The following CBFA2T3 variants were observed in gnomAD, a reference collection of about 807,000 sequenced individuals.
The protein encoded by CBFA2T3 is transcriptional corepressor CBFA2T3.
Under a neutral mutation model 58.6 loss-of-function variants are expected in CBFA2T3, and 31 were observed. That is an observed-to-expected ratio of 0.53 (90% CI 0.40 to 0.71). The LOEUF (loss-of-function observed/expected upper bound fraction) is 0.71, where lower values mean the gene tolerates loss of function less well. Among genes scored for constraint, CBFA2T3 ranks in the 30% least tolerant of loss-of-function variants. CBFA2T3 has a pLI of 0.00. For missense variants in CBFA2T3, 1,076 were observed against 963.1 expected, an observed-to-expected ratio of 1.12 and a Z score of -1.55; for synonymous variants, 531 against 421.9, an observed-to-expected ratio of 1.26 and a Z score of -3.17.
intron 1 of CBFA2T3, among the ~76,000 whole-genome samples, chr16:88,961,436 G>A (rs1972352912): frequency 6.9e-6 from 1 of 144,256 alleles, no homozygotes; most frequent in Non-Finnish European, 1.5e-5. Flanking sequence ...CCTCAGCGCT[G>A]GACATTCCCA....
chr16:88,895,053 G>A (rs1406843290), intron 3 of CBFA2T3, among the ~76,000 whole-genome samples: 1 of 152,186 alleles, frequency 6.6e-6, no homozygotes, highest in Non-Finnish European at 1.5e-5. Flanking sequence ...CCTCTGTCTG[G>A]ACGGGAGGGA....
rs1257669017 is a variant in CBFA2T3, at chr16:88,974,450, C to T, written c.151+2207G>A. Among the ~76,000 whole-genome samples the T allele has an allele frequency of 5.9e-5, 9 of 152,016 alleles. No homozygotes were observed. The East Asian group carries it at 1.4e-3, about 23-fold the overall frequency. On this transcript the variant is annotated intron_variant, in intron 1 of 11. Coordinates refer to ENST00000268679, the MANE Select transcript of CBFA2T3 (RefSeq NM_005187.6). ...GTGGCCATCTTCTGATTGCTTACAC[C>T]TCAGCCCCCAGGACGCTGTCAGAGG...
rs1441529519 is a variant in CBFA2T3, at chr16:88,886,045, A to G, written c.809T>C (p.Leu270Pro). 3 of 1,582,296 alleles carry G rather than the reference A, an allele frequency of 1.9e-6. No individual in the cohort carries two copies. The highest frequency in any genetic ancestry group is 2.3e-5 in the South Asian group (2 of 86,768). ...QYLAQHEQLL[L>P]DASASSPIDS... ...GATGGGGGAGGAGGCGCTGGCGTCCAGCAGGAGCTGCTCATGCTGGGCCAA... is the reference window on the plus strand; with the variant it reads ...GATGGGGGAGGAGGCGCTGGCGTCCGGCAGGAGCTGCTCATGCTGGGCCAA... Residue 270 changes from leucine (L) to proline (P), a missense_variant, in exon 6 of 12, where the codon CTG (leucine) becomes CCG (proline). Transcript: ENST00000268679.
intron 1 of CBFA2T3, among the ~76,000 whole-genome samples, chr16:88,962,067 A>T (rs71395370): frequency 6.8e-6 from 1 of 146,682 alleles, no homozygotes; most frequent in Non-Finnish European, 1.5e-5. Context: ...TCAGGGCTGG[A>T]CATTCCCACT....
chr16:88,959,248 C>T (rs1375361795), intron 1 of CBFA2T3, among the ~76,000 whole-genome samples: 2 of 152,230 alleles, frequency 1.3e-5, no homozygotes, highest in Non-Finnish European at 2.9e-5. Context: ...CATGGACAGT[C>T]ACATGAGCAG....
At chr16:88,976,146 C>G (rs1016122834) in intron 1 of CBFA2T3, among the ~76,000 whole-genome samples, 4 of 152,212 alleles carry the variant, frequency 2.6e-5, no homozygotes, top group Admixed American at 6.5e-5. Context: ...TAAACCCCCA[C>G]TGCCCTGGCT....
intron 1 of CBFA2T3, chr16:88,937,003 C>T (rs1971523969): frequency 6.6e-6 from 1 of 152,268 alleles, no homozygotes; most frequent in Admixed American, 6.5e-5. Flanking sequence ...GGGCGGTTTC[C>T]ACTCCAGGAA....
chr16:88,895,654 G>T (rs145403687), intron 3 of CBFA2T3, among the ~76,000 whole-genome samples: 1,897 of 152,272 alleles, frequency 0.012, 44 homozygotes, highest in African/African-American at 0.042. Context: ...CTCCCCCGGG[G>T]CCCAGCGCTC....
intron 1 of CBFA2T3, chr16:88,951,415 G>A (rs896970807): frequency 2.8e-5 from 12 of 430,164 alleles, no homozygotes; most frequent in Middle Eastern, 3.4e-4. Context: ...CATTAGCTGC[G>A]TCTTATTTTA....
At chr16:88,902,234 G>A (rs551650417) in intron 1 of CBFA2T3, among the ~76,000 whole-genome samples, 12 of 152,162 alleles carry the variant, frequency 7.9e-5, no homozygotes, top group Admixed American at 3.9e-4. Flanking sequence ...GGGAGAGGCC[G>A]GCAGGCAGGC....
At chr16:88,959,447 GGCACCAAGGCA>G in intron 1 of CBFA2T3, among the ~76,000 whole-genome samples, 5 of 152,334 alleles carry the variant, frequency 3.3e-5, no homozygotes, top group Admixed American at 3.3e-4. Context: ...AGGAGGCCCG[GGCACCAAGGCA>G]GCACCCAGCG....
intron 1 of CBFA2T3, among the ~76,000 whole-genome samples, chr16:88,904,678 G>T (rs13330003): frequency 0.18 from 27,510 of 151,120 alleles, 3,117 homozygotes; most frequent in Non-Finnish European, 0.25. Context: ...CCCGGGTTGT[G>T]CGGGGGCAGC....
chr16:88,903,532 G>C (rs1215298662), intron 1 of CBFA2T3, among the ~76,000 whole-genome samples: 2 of 152,182 alleles, frequency 1.3e-5, no homozygotes, highest in Non-Finnish European at 2.9e-5. Context: ...TGATGGCTGG[G>C]CACACGTGTG....
At chr16:88,893,673 C>G (rs919693279) in intron 3 of CBFA2T3, among the ~76,000 whole-genome samples, 2 of 152,234 alleles carry the variant, frequency 1.3e-5, no homozygotes, top group Admixed American at 1.3e-4. Flanking sequence ...CGCCTGTTGG[C>G]CACTGAGACG....
Position 88,876,895 on chromosome 16 carries a change from G to C in CBFA2T3, c.*81C>G, listed in dbSNP as rs771712049. 13 of 1,145,192 alleles carry C rather than the reference G, an allele frequency of 1.1e-5. No homozygotes were observed. Among genetic ancestry groups the C allele is most frequent in the Non-Finnish European group, 1.5e-5 (13 of 860,652 alleles). 70.9% of individuals were successfully genotyped at this position (1,145,192 alleles called of 1,614,324 possible). On this transcript the variant is annotated 3_prime_UTR_variant, in exon 12 of 12. Transcript: ENST00000268679. ...AGTGTCTGGCAGGCCAGGCATCGGA[G>C]GCCAGGCACAGCATCCGGTGGGCCT...
chr16:88,888,424 C>T (rs1420685524), intron 5 of CBFA2T3, among the ~76,000 whole-genome samples: 1 of 91,930 alleles, frequency 1.1e-5, no homozygotes, highest in African/African-American at 4.6e-5. Flanking sequence ...TCGGACTCCC[C>T]CACTGCACTC....
chr16:88,876,665 C>G lies in CBFA2T3; in HGVS notation c.*311G>C, dbSNP rs1313654444. Reference sequence around the variant, plus strand: ...AGAGAGGTGGGCAGAGCCGCCGCGCCTGCGGCATCTGCTCTGCTGTCTAAA... The same window carrying G: ...AGAGAGGTGGGCAGAGCCGCCGCGCGTGCGGCATCTGCTCTGCTGTCTAAA... On this transcript the variant is annotated 3_prime_UTR_variant, in exon 12 of 12. Transcript: ENST00000268679. The G allele has an allele frequency of 1.1e-5, 4 of 353,954 alleles. No individual in the cohort carries two copies. Among genetic ancestry groups the G allele is most frequent in the African/African-American group, 2.1e-5 (1 of 47,880 alleles). 21.9% of individuals were successfully genotyped at this position (353,954 alleles called of 1,614,324 possible).
chr16:88,921,601 A>AGG (rs1311946960), intron 1 of CBFA2T3, among the ~76,000 whole-genome samples: 6 of 44,840 alleles, frequency 1.3e-4, no homozygotes, highest in African/African-American at 4.9e-4. Context: ...TTGCTGGGGG[A>AGG]GGGAGGGGGG....
chr16:88,927,893 G>A (rs888098663), intron 1 of CBFA2T3, among the ~76,000 whole-genome samples: 31 of 152,318 alleles, frequency 2.0e-4, no homozygotes, highest in Admixed American at 1.4e-3. Flanking sequence ...GACACGCTGC[G>A]GTCAGCTCAG....
Sources: allele counts gnomAD v4.1 joint callset (sites outside exome capture counted in the v4.1 genomes callset), GRCh38; gene constraint gnomAD v4.1.1; transcripts MANE v1.5; gene names NCBI Gene and HGNC (gene_info 2026-07-23, HGNC 2026-07-21).